The following CLEC20A variants were observed in gnomAD, a reference collection of about 807,000 sequenced individuals.
CLEC20A encodes the protein C-type lectin domain containing 20A, also known as putative C-type lectin domain family 20 member A.
At chr1:178,487,203 G>A (rs1649170269) in intron 5 of CLEC20A, among the ~76,000 whole-genome samples, 1 of 152,218 alleles carries the variant, frequency 6.6e-6, no homozygotes, top group Non-Finnish European at 1.5e-5. Context: ...AGACAGGGGC[G>A]AGCAGGGAGG....
chr1:178,496,150 G>A (rs12727008), intron 1 of CLEC20A: 22,151 of 151,980 alleles, frequency 0.15, 1,895 homozygotes, highest in Non-Finnish European at 0.19. Context: ...ATTTTAGGAC[G>A]GTGTCCACCC....
intron 7 of CLEC20A, chr1:178,481,319 T>C (rs759980253): frequency 1.1e-4 from 17 of 152,240 alleles, no homozygotes; most frequent in Non-Finnish European, 2.4e-4. Context: ...AACTTGATTT[T>C]GTGAAATTCT....
intron 5 of CLEC20A, chr1:178,486,556 G>A: frequency 5.0e-6 from 2 of 398,750 alleles, no homozygotes; most frequent in Non-Finnish European, 8.8e-6. Context: ...AAATGAGTCC[G>A]AGATGCTTTC....
chr1:178,488,217 G>C (rs1449226535), intron 5 of CLEC20A, among the ~76,000 whole-genome samples: 1 of 152,216 alleles, frequency 6.6e-6, no homozygotes. Flanking sequence ...GGCCTCTCCT[G>C]GGTCTCCTGG....
exon 2 of CLEC20A, chr1:178,494,765 T>A (rs999372856): frequency 2.5e-6 from 1 of 399,142 alleles, no homozygotes; most frequent in African/African-American, 2.1e-5. Context: ...GCTCAGCGCC[T>A]CCTTCACCAG....
intron 7 of CLEC20A, 134 bp from the exon 8 acceptor site, chr1:178,479,749 CCTGA>C (rs1416576534): frequency 2.6e-5 from 10 of 391,558 alleles, no homozygotes; most frequent in East Asian, 7.2e-5. Context: ...CCTCCAGCTG[CCTGA>C]CTTTTTTTAT....
intron 7 of CLEC20A, chr1:178,480,000 CTT>C (rs5778987): frequency 0.067 from 7,789 of 116,156 alleles, 479 homozygotes; most frequent in African/African-American, 0.22. Flanking sequence ...CCTGGCCAGG[CTT>C]TTTTTTTTTT....
intron 4 of CLEC20A, among the ~76,000 whole-genome samples, chr1:178,489,314 G>C (rs1318341076): frequency 1.3e-5 from 2 of 151,994 alleles, no homozygotes; most frequent in Non-Finnish European, 1.5e-5. Context: ...AGTGAGCTGA[G>C]GACCACTGCA....
chr1:178,487,982 GCTGTCA>G (rs1359795236), intron 5 of CLEC20A, among the ~76,000 whole-genome samples: 1 of 152,180 alleles, frequency 6.6e-6, no homozygotes, highest in East Asian at 1.9e-4. Context: ...CTATAGGAAT[GCTGTCA>G]CTGTCCTTCC....
chr1:178,498,349 T>C (rs1298168903), upstream of CLEC20A, among the ~76,000 whole-genome samples: 1 of 152,018 alleles, frequency 6.6e-6, no homozygotes, highest in African/African-American at 2.4e-5. Context: ...CCCAGGACTT[T>C]GAGAAACCGA....
At chr1:178,485,623 G>C (rs1054153494) in intron 5 of CLEC20A, among the ~76,000 whole-genome samples, 3 of 152,166 alleles carry the variant, frequency 2.0e-5, no homozygotes, top group Non-Finnish European at 4.4e-5. Context: ...AAACCGTCCT[G>C]ACTGTCTCCG....
chr1:178,497,512 C>G (rs2101881435), upstream of CLEC20A, among the ~76,000 whole-genome samples: 1 of 152,278 alleles, frequency 6.6e-6, no homozygotes, highest in African/African-American at 2.4e-5. Context: ...AAGAAGAATC[C>G]AGACCCACAG....
chr1:178,486,282 C>T (rs527689290), intron 5 of CLEC20A, among the ~76,000 whole-genome samples: 4 of 152,302 alleles, frequency 2.6e-5, no homozygotes, highest in Admixed American at 1.3e-4. Flanking sequence ...GCACACAACG[C>T]GCCCACACCA....
intron 2 of CLEC20A, chr1:178,493,704 TC>T (rs1649322253): frequency 6.6e-6 from 1 of 152,210 alleles, no homozygotes; most frequent in Admixed American, 6.5e-5. Context: ...GCAGGGGATC[TC>T]CCAGAGGGTG....
chr1:178,497,361 C>T (rs1202882216), upstream of CLEC20A, among the ~76,000 whole-genome samples: 1 of 152,202 alleles, frequency 6.6e-6, no homozygotes, highest in Non-Finnish European at 1.5e-5. Flanking sequence ...CTCTAACTTG[C>T]CCTTGCCTGG....
chr1:178,479,282 A>G, exon 8 of CLEC20A: 1 of 293,972 alleles, frequency 3.4e-6, no homozygotes, highest in Non-Finnish European at 6.2e-6. Context: ...ATTTCTTAAT[A>G]GAAGTTCATT....
chr1:178,486,777 C>T (rs1184599660), intron 5 of CLEC20A: 4 of 398,234 alleles, frequency 1.0e-5, no homozygotes, highest in African/African-American at 2.1e-5. Flanking sequence ...AGGGCTGGGA[C>T]GCCGAGGGCG....
At chr1:178,480,108 A>G (rs1267678336) in intron 7 of CLEC20A, 1 of 151,686 alleles carries the variant, frequency 6.6e-6, no homozygotes, top group African/African-American at 2.4e-5. Context: ...TAGCTGTCTT[A>G]AAATGTTTTC....
chr1:178,498,763 G>C (rs1453768458), upstream of CLEC20A, among the ~76,000 whole-genome samples: 1 of 152,128 alleles, frequency 6.6e-6, no homozygotes, highest in Non-Finnish European at 1.5e-5. Context: ...AAGACTTTCA[G>C]GAACACAGTC....
Sources: gnomAD v4.1 joint callset for allele counts (sites outside exome capture counted in the v4.1 genomes callset) on GRCh38, gnomAD v4.1.1 for gene constraint, MANE v1.5 for transcripts, NCBI Gene and HGNC (gene_info 2026-07-23, HGNC 2026-07-21) for gene names.